Variants in SASH1 observed in about 807,000 individuals in gnomAD.
The protein encoded by SASH1 is SAM and SH3 domain-containing protein 1.
A neutral mutation model predicts 125.2 loss-of-function variants in SASH1; 44 were observed. The observed-to-expected ratio is 0.35, with a 90% confidence interval of 0.28 to 0.45. The LOEUF is 0.45. Among genes scored for constraint, SASH1 ranks in the 20% least tolerant of loss-of-function variants. The probability of loss-of-function intolerance (pLI) is 1.00; values close to 1 mark genes in which losing one functional copy is unlikely to be tolerated. For missense variants in SASH1, 1,426 were observed against 1,614.5 expected (o/e 0.88, Z 2.00); for synonymous variants, 639 against 649.1 (o/e 0.98, Z 0.24).
In SASH1 at chr6:148,516,054, A is replaced by G. The variant is rs546209077; in HGVS notation, c.862+1598A>G. 2.0e-5 allele frequency among the ~76,000 whole-genome samples: 3 copies of G among 152,374 alleles called. No individual in the cohort carries two copies. In the East Asian group the frequency reaches 5.8e-4, roughly 29 times the overall value. On this transcript the variant is annotated intron_variant, in intron 9 of 19. Coordinates refer to ENST00000367467, the MANE Select transcript of SASH1 (RefSeq NM_015278.5). ...TTGCACATTTATTTCAGAATAAATC[A>G]ATCCAACTATCTTTGAGAGGCATCA...
At chr6:148,490,217 C>CT (rs200061390) in intron 8 of SASH1, among the ~76,000 whole-genome samples, 42 of 147,142 alleles carry the variant, frequency 2.9e-4, no homozygotes, top group South Asian at 1.1e-3. Flanking sequence ...TTCATATAGG[C>CT]TTTTTTTTTT....
chr6:148,322,900 C>CTTTCTT (rs1443698620), intron 1 of SASH1, among the ~76,000 whole-genome samples: 1 of 129,268 alleles, frequency 7.7e-6, no homozygotes. Flanking sequence ...TTCTTTCTTT[C>CTTTCTT]TCTCTCTTTC....
At chr6:148,453,768 G>A (rs1244249865) in intron 4 of SASH1, among the ~76,000 whole-genome samples, 1 of 152,196 alleles carries the variant, frequency 6.6e-6, no homozygotes, top group Non-Finnish European at 1.5e-5. Context: ...ATAATGCAAT[G>A]CGAAAACCAT....
chr6:148,500,864 G>T lies in SASH1; in HGVS notation c.729+13149G>T, dbSNP rs189805922. Among the ~76,000 whole-genome samples, 243 of 152,126 alleles carry T rather than the reference G, an allele frequency of 1.6e-3. 3 individuals are homozygous for T. The highest frequency in any genetic ancestry group is 5.5e-3 in the African/African-American group (228 of 41,498). ...GTCGTTGTGAGAAGAATATTCTGTG[G>T]TTCAGTGTTCAGCAGAGTTCATGAC... On this transcript the variant is annotated intron_variant, in intron 8 of 19. Coordinates refer to ENST00000367467, the MANE Select transcript of SASH1 (RefSeq NM_015278.5).
chr6:148,387,911 T>C (rs1284903624), intron 1 of SASH1, among the ~76,000 whole-genome samples: 5 of 124,428 alleles, frequency 4.0e-5, no homozygotes, highest in African/African-American at 6.3e-5. Context: ...GCTAATTTTT[T>C]TTTTTTTTTT....
the SASH1 span, among the ~76,000 whole-genome samples, chr6:148,216,026 T>C: frequency 6.6e-6 from 1 of 151,934 alleles, no homozygotes; most frequent in Non-Finnish European, 1.5e-5. Context: ...CCCAGCTAAT[T>C]TTTGTATTTT....
chr6:148,508,998 T>C (rs976040982), intron 8 of SASH1: 2 of 527,098 alleles, frequency 3.8e-6, no homozygotes, highest in African/African-American at 3.9e-5. Flanking sequence ...TTCCTCTAGA[T>C]TTGTCCTTCT....
intron 1 of SASH1, among the ~76,000 whole-genome samples, chr6:148,374,779 C>A (rs1782827882): frequency 6.6e-6 from 1 of 152,006 alleles, no homozygotes; most frequent in African/African-American, 2.4e-5. Flanking sequence ...CTCACTGCAA[C>A]CTCCGTCTTC....
At chr6:148,491,865 C>T (rs907076734) in intron 8 of SASH1, among the ~76,000 whole-genome samples, 11 of 152,076 alleles carry the variant, frequency 7.2e-5, no homozygotes, top group East Asian at 5.8e-4. Flanking sequence ...TGTCCCGGGA[C>T]GATGAGGTAA....
At chr6:148,235,633 C>A in the SASH1 span, among the ~76,000 whole-genome samples, 1 of 152,124 alleles carries the variant, frequency 6.6e-6, no homozygotes, top group Admixed American at 6.5e-5. Context: ...TTTGATGAGT[C>A]AAACCTACAG....
rs148828341 is a variant in SASH1, at chr6:148,491,921, C to T, written c.729+4206C>T. Among the ~76,000 whole-genome samples the T allele has an allele frequency of 2.8e-3, 426 of 152,256 alleles. 4 individuals are homozygous for T. In the East Asian group the frequency reaches 0.029, roughly 10 times the overall value. On this transcript the variant is annotated intron_variant, in intron 8 of 19. Coordinates refer to ENST00000367467, the MANE Select transcript of SASH1 (RefSeq NM_015278.5). ...GTTATCAATGTGCCTTTTTGGGTCT[C>T]TAATCCTCAAGTCCTGAAGTCTAAC...
At chr6:148,211,576 G>GAAA in the SASH1 span, among the ~76,000 whole-genome samples, 8 of 139,036 alleles carry the variant, frequency 5.8e-5, no homozygotes, top group African/African-American at 1.6e-4. Context: ...ATCTCAAAGG[G>GAAA]AAAAAAAAAA....
chr6:148,430,281 TCTGAAACGTGGA>T (rs1776009536), intron 2 of SASH1, among the ~76,000 whole-genome samples: 1 of 152,332 alleles, frequency 6.6e-6, no homozygotes, highest in Non-Finnish European at 1.5e-5. Flanking sequence ...GGCTTCTTCT[TCTGAAACGTGGA>T]CTTCATCCTG....
chr6:148,333,976 C>A (rs1781070198), intron 1 of SASH1, among the ~76,000 whole-genome samples: 2 of 151,802 alleles, frequency 1.3e-5, no homozygotes, highest in African/African-American at 4.8e-5. Context: ...GAGCCCACCA[C>A]CACGACTGGC....
At chr6:148,409,380 C>T (rs759359853) in intron 2 of SASH1, among the ~76,000 whole-genome samples, 3 of 152,170 alleles carry the variant, frequency 2.0e-5, no homozygotes, top group Admixed American at 1.3e-4. Flanking sequence ...TCAGTTCCTG[C>T]GTAAATCAAC....
At chr6:148,454,581 G>C (rs1045833106) in intron 4 of SASH1, among the ~76,000 whole-genome samples, 1 of 152,132 alleles carries the variant, frequency 6.6e-6, no homozygotes, top group Non-Finnish European at 1.5e-5. Context: ...GAAACCATAG[G>C]AGCACAGCAT....
At chr6:148,505,554 G>A (rs984888711) in intron 8 of SASH1, among the ~76,000 whole-genome samples, 2 of 152,022 alleles carry the variant, frequency 1.3e-5, no homozygotes, top group African/African-American at 4.8e-5. Context: ...CAAGTGATCT[G>A]CCTGCCTTGG....
At chr6:148,504,971 G>A (rs1328044180) in intron 8 of SASH1, among the ~76,000 whole-genome samples, 1 of 152,080 alleles carries the variant, frequency 6.6e-6, no homozygotes, top group East Asian at 1.9e-4. Flanking sequence ...GAAGTACTGG[G>A]GATGTATCCT....
chr6:148,495,986 C>T lies in SASH1; in HGVS notation c.729+8271C>T, dbSNP rs147735685. On this transcript the variant is annotated intron_variant, in intron 8 of 19. Transcript: ENST00000367467. This position sits in a 1 kb window ranked among gnomAD's most constrained non-coding sequence, Gnocchi z 4.0. ...GAGTAGCTGGGATTACAGGCGCACG[C>T]CATCACGCCTGGCTAATTTTTTTTT... Among the ~76,000 whole-genome samples, 3,667 of 151,416 alleles carry T rather than the reference C, an allele frequency of 0.024. 168 individuals are homozygous for T. Among genetic ancestry groups the T allele is most frequent in the African/African-American group, 0.085 (3,491 of 41,198 alleles).
Sources: allele counts gnomAD v4.1 joint callset (sites outside exome capture counted in the v4.1 genomes callset), GRCh38; gene constraint gnomAD v4.1.1; non-coding constraint Gnocchi (gnomAD v3.1); transcripts MANE v1.5; gene names NCBI Gene and HGNC (gene_info 2026-07-23, HGNC 2026-07-21).